The following CREB5 variants were observed in gnomAD, a reference collection of about 807,000 sequenced individuals.
CREB5 encodes cyclic AMP-responsive element-binding protein 5.
In CREB5, 19 loss-of-function variants were observed where a neutral mutation model predicts 57.1. The observed-to-expected ratio is 0.33, with a 90% CI of 0.23 to 0.49. CREB5 has a LOEUF of 0.49. Among genes scored for constraint, CREB5 ranks in the 20% least tolerant of loss-of-function variants. CREB5 has a pLI of 0.99. For synonymous variants in CREB5, 238 were observed against 238.3 expected (o/e 1.00, Z 0.01); for missense variants, 579 against 671.6 (o/e 0.86, Z 1.52).
intron 1 of CREB5, chr7:28,435,522 G>A (rs73073988): frequency 0.017 from 8,772 of 502,884 alleles, 80 homozygotes; most frequent in Non-Finnish European, 0.021. Flanking sequence ...ATGAATGAGG[G>A]CCATATAACC....
intron 5 of CREB5, among the ~76,000 whole-genome samples, chr7:28,687,022 T>C (rs1800971687): frequency 1.3e-5 from 2 of 152,118 alleles, no homozygotes; most frequent in Non-Finnish European, 2.9e-5. Flanking sequence ...TGGTGAATTG[T>C]AAATGACTGG....
chr7:28,812,797 G>A (rs1445587505), intron 9 of CREB5, among the ~76,000 whole-genome samples: 1 of 152,194 alleles, frequency 6.6e-6, no homozygotes, highest in Non-Finnish European at 1.5e-5. Flanking sequence ...AGAAAAAGGT[G>A]TCTCTCTTGA....
chr7:28,354,625 C>T (rs562318801), intron 1 of CREB5, among the ~76,000 whole-genome samples: 1 of 152,300 alleles, frequency 6.6e-6, no homozygotes, highest in East Asian at 1.9e-4. Flanking sequence ...CAACCTAATT[C>T]AAGCTCCCAC....
At chr7:28,758,911 C>T (rs774034934) in intron 7 of CREB5, among the ~76,000 whole-genome samples, 4 of 152,040 alleles carry the variant, frequency 2.6e-5, no homozygotes, top group Non-Finnish European at 4.4e-5. Flanking sequence ...TAAAGTGAGA[C>T]GTCAGTAATT....
chr7:28,413,298 A>T (rs563223331), intron 1 of CREB5, among the ~76,000 whole-genome samples: 3 of 152,176 alleles, frequency 2.0e-5, no homozygotes, highest in South Asian at 2.1e-4. Flanking sequence ...TGAAAAAGAA[A>T]CCTAAAAATT....
At chr7:28,480,501 TTTTTG>T (rs1791279608) in intron 1 of CREB5, among the ~76,000 whole-genome samples, 1 of 152,126 alleles carries the variant, frequency 6.6e-6, no homozygotes, top group African/African-American at 2.4e-5. Flanking sequence ...TAATTTTTCT[TTTTTG>T]TTTTCTTTCC....
intron 5 of CREB5, chr7:28,609,054 G>A (rs1422631131): frequency 1.3e-5 from 2 of 152,170 alleles, no homozygotes; most frequent in Non-Finnish European, 2.9e-5. Flanking sequence ...ACCATCTAAG[G>A]CAGGATGACA....
chr7:28,483,279 T>C (rs78017753), intron 1 of CREB5, among the ~76,000 whole-genome samples: 2,294 of 152,276 alleles, frequency 0.015, 35 homozygotes, highest in East Asian at 0.04. Context: ...CGATTTCCCA[T>C]TTTAGACCAG....
At chr7:28,611,186 A>G (rs1306674798) in intron 5 of CREB5, among the ~76,000 whole-genome samples, 1 of 152,122 alleles carries the variant, frequency 6.6e-6, no homozygotes, top group Non-Finnish European at 1.5e-5. Flanking sequence ...GTGAGGCAAC[A>G]GGTCTCCCCT....
chr7:28,507,856 T>A, intron 4 of CREB5, 119 bp downstream of exon 4: 1 of 1,204,384 alleles, frequency 8.3e-7, no homozygotes, highest in Non-Finnish European at 1.1e-6. Context: ...TAGCCATTTG[T>A]GAGTATTTGT....
intron 1 of CREB5, among the ~76,000 whole-genome samples, chr7:28,441,171 T>A (rs1414989062): frequency 6.6e-6 from 1 of 152,126 alleles, no homozygotes; most frequent in Admixed American, 6.5e-5. Flanking sequence ...CCCTCCCTTT[T>A]AAAAATAGAA....
chr7:28,375,761 T>C (rs1226516343), intron 1 of CREB5, among the ~76,000 whole-genome samples: 1 of 144,328 alleles, frequency 6.9e-6, no homozygotes, highest in African/African-American at 2.6e-5. Context: ...AAAAAGCAAA[T>C]ATGGAGGCCT....
At chr7:28,309,836 TG>T (rs1321687034) in intron 1 of CREB5, among the ~76,000 whole-genome samples, 2 of 152,182 alleles carry the variant, frequency 1.3e-5, no homozygotes, top group Admixed American at 1.3e-4. Context: ...CCTCCTTCTC[TG>T]ATTTCTGCCA....
intron 5 of CREB5, among the ~76,000 whole-genome samples, chr7:28,717,018 C>T (rs1482583574): frequency 6.6e-6 from 1 of 151,370 alleles, no homozygotes; most frequent in Non-Finnish European, 1.5e-5. Context: ...CTCACATACA[C>T]ATTCTACTAA....
In CREB5 at chr7:28,568,691, A is replaced by G. The variant is rs537649304; in HGVS notation, c.292-1674A>G. ...AGCCTGTTCCTGCCTTTGGGGTCCC[A>G]CAACGACACAGTAGGCTCACAGTCT... On this transcript the variant is annotated intron_variant, in intron 4 of 10. Coordinates refer to ENST00000357727, the MANE Select transcript of CREB5 (RefSeq NM_182898.4). Among the ~76,000 whole-genome samples the G allele has an allele frequency of 5.7e-4, 87 of 152,292 alleles. 1 individual carries two copies. The highest frequency in any genetic ancestry group is 2.0e-3 in the African/African-American group (84 of 41,568).
In CREB5 at chr7:28,699,319, A is replaced by G. The variant is rs139292799; in HGVS notation, c.465-19434A>G. Among the ~76,000 whole-genome samples, 1,166 of 152,294 alleles carry G rather than the reference A, an allele frequency of 7.7e-3. 16 individuals carry two copies. Among genetic ancestry groups the G allele is most frequent in the African/African-American group, 0.027 (1,116 of 41,568 alleles). On this transcript the variant is annotated intron_variant, in intron 5 of 10. Transcript: ENST00000357727. ...TAGGAGATAACAATGTATTTTTTCA[A>G]AAGATTTCAATTCATCGTAGACCAA... is the stretch of plus-strand genomic sequence containing the variant.
chr7:28,578,674 G>A (rs530126359), intron 5 of CREB5, among the ~76,000 whole-genome samples: 58 of 152,278 alleles, frequency 3.8e-4, no homozygotes, highest in African/African-American at 1.3e-3. Context: ...TAAAAAAGAA[G>A]CATTAATCTA....
intron 4 of CREB5, among the ~76,000 whole-genome samples, chr7:28,537,349 A>G (rs1794004834): frequency 6.6e-6 from 1 of 150,596 alleles, no homozygotes; most frequent in Admixed American, 6.7e-5. Flanking sequence ...CCAAAACACA[A>G]AAGAATTTCC....
chr7:28,408,480 C>A (rs538557974), upstream of CREB5, among the ~76,000 whole-genome samples: 6 of 152,294 alleles, frequency 3.9e-5, no homozygotes, highest in East Asian at 5.8e-4. Flanking sequence ...GCAGACCAGG[C>A]GCCCGGATCC....
Sources: gnomAD v4.1 joint callset for allele counts (sites outside exome capture counted in the v4.1 genomes callset) on GRCh38, gnomAD v4.1.1 for gene constraint, MANE v1.5 for transcripts, NCBI Gene and HGNC (gene_info 2026-07-23, HGNC 2026-07-21) for gene names.